RSF1: variants seen among roughly 807,000 people sequenced by gnomAD.
RSF1 encodes HBV pX-associated protein 8.
RSF1 carries 13 observed loss-of-function variants against 145.2 expected under a neutral mutation model. The observed-to-expected ratio is 0.09, with a 90% CI of 0.06 to 0.14. RSF1 has a LOEUF of 0.14. RSF1 is among the 10% of genes least tolerant of loss of function. The pLI is 1.00. For missense variants in RSF1, 1,517 were observed against 1,718.2 expected (o/e 0.88, Z 2.07); for synonymous variants, 577 against 592.6 (o/e 0.97, Z 0.38).
chr11:77,793,038 A>AG (rs770588765), intron 1 of RSF1, among the ~76,000 whole-genome samples: 42 of 152,236 alleles, frequency 2.8e-4, no homozygotes, highest in Non-Finnish European at 4.7e-4. Context: ...TCACAAAGAT[A>AG]AACAAGAAAA....
intron 1 of RSF1, among the ~76,000 whole-genome samples, chr11:77,805,331 G>A (rs2135982004): frequency 6.6e-6 from 1 of 152,018 alleles, no homozygotes; most frequent in Non-Finnish European, 1.5e-5. Flanking sequence ...AGCCAGGCGT[G>A]GTGGCATGCT....
At chr11:77,708,294 C>A (rs557608494) in intron 5 of RSF1, among the ~76,000 whole-genome samples, 2 of 152,234 alleles carry the variant, frequency 1.3e-5, no homozygotes, top group South Asian at 4.2e-4. Flanking sequence ...TGGTGCACAC[C>A]TGTAGTTCCC....
intron 5 of RSF1, among the ~76,000 whole-genome samples, chr11:77,724,902 G>C (rs752051941): frequency 6.6e-6 from 1 of 152,170 alleles, no homozygotes; most frequent in Non-Finnish European, 1.5e-5. Context: ...TTACAGACTG[G>C]TACTACTCCT....
Position 77,820,680 on chromosome 11 carries a change from G to A in RSF1, c.35C>T (p.Ala12Val). 1 of 1,553,708 alleles carries A rather than the reference G, an allele frequency of 6.4e-7. No individual in the cohort carries two copies. The highest frequency in any genetic ancestry group is 8.7e-7 in the Non-Finnish European group (1 of 1,150,014). Reference sequence around the variant, plus strand: ...GCACGAACCCGGGCAGCCCGGAGGAGCCATCACCGCCGCCGCTGCCGCCGC... The same window carrying A: ...GCACGAACCCGGGCAGCCCGGAGGAACCATCACCGCCGCCGCTGCCGCCGC... ...ATAAAAAAVM[A>V]PPGCPGSCPN... The change falls in exon 1 of 16, where the codon GCT becomes GTT. Residue 12 changes from alanine (A) to valine (V), a missense_variant. This residue lies in a region of RSF1 where 85 missense variants were observed against 91.8 expected (regional missense o/e 0.93). Coordinates refer to ENST00000308488, the MANE Select transcript of RSF1 (RefSeq NM_016578.4).
chr11:77,697,991 GTTACCTATTTATC>G (rs1960323791), intron 7 of RSF1, among the ~76,000 whole-genome samples: 1 of 152,132 alleles, frequency 6.6e-6, no homozygotes, highest in Admixed American at 6.6e-5. Flanking sequence ...TCATTATAAA[GTTACCTATTTATC>G]TTACCTATTT....
chr11:77,835,644 C>T, the RSF1 span, among the ~76,000 whole-genome samples: 1 of 152,286 alleles, frequency 6.6e-6, no homozygotes, highest in South Asian at 2.1e-4. Context: ...TGGGGCCAGG[C>T]GTGGTGGCTC....
At chr11:77,750,927 C>T (rs957040236) in intron 2 of RSF1, among the ~76,000 whole-genome samples, 1 of 152,108 alleles carries the variant, frequency 6.6e-6, no homozygotes, top group African/African-American at 2.4e-5. Flanking sequence ...CAACCATTCT[C>T]CTGACACAAC....
chr11:77,721,762 A>C (rs1335366873), intron 5 of RSF1, among the ~76,000 whole-genome samples: 1 of 152,208 alleles, frequency 6.6e-6, no homozygotes, highest in Non-Finnish European at 1.5e-5. Flanking sequence ...TTCTTTATTA[A>C]ACTATATGCC....
At chr11:77,796,102 C>CT (rs986533212) in intron 1 of RSF1, among the ~76,000 whole-genome samples, 2 of 151,732 alleles carry the variant, frequency 1.3e-5, no homozygotes, top group Non-Finnish European at 2.9e-5. Flanking sequence ...TCTCTCTTTT[C>CT]TTTTTTATTA....
rs372364085 is a variant in RSF1, at chr11:77,706,796, T to G, written c.734-4301A>C. Among the ~76,000 whole-genome samples the G allele has an allele frequency of 2.0e-5, 3 of 152,114 alleles. No homozygotes were observed. In the East Asian group the frequency reaches 5.8e-4, roughly 29 times the overall value. ...GCAATAATAAACATAGTATCTGATATGTAGTTTTTTGATCCTGACCCTCCT... is the reference window on the plus strand; with the variant it reads ...GCAATAATAAACATAGTATCTGATAGGTAGTTTTTTGATCCTGACCCTCCT... On this transcript the variant is annotated intron_variant, in intron 5 of 15. Transcript: ENST00000308488.
chr11:77,790,902 G>C (rs1355114354), intron 1 of RSF1, among the ~76,000 whole-genome samples: 2 of 152,180 alleles, frequency 1.3e-5, no homozygotes, highest in African/African-American at 4.8e-5. Context: ...TGCTTTCATG[G>C]GCTAGTGTTG....
At chr11:77,757,687 GA>G (rs889286346) in intron 2 of RSF1, among the ~76,000 whole-genome samples, 17 of 149,722 alleles carry the variant, frequency 1.1e-4, no homozygotes, top group South Asian at 6.4e-4. Flanking sequence ...AAAAAAAGAA[GA>G]AAAAAAAAGA....
chr11:77,698,048 T>C (rs1238619591), intron 7 of RSF1, among the ~76,000 whole-genome samples: 1 of 152,232 alleles, frequency 6.6e-6, no homozygotes, highest in African/African-American at 2.4e-5. Context: ...AGGGTCTTGC[T>C]ATGCTGCCCA....
intron 2 of RSF1, among the ~76,000 whole-genome samples, chr11:77,760,464 A>G (rs955492293): frequency 1.3e-5 from 2 of 152,224 alleles, no homozygotes; most frequent in Non-Finnish European, 2.9e-5. Context: ...CTGAGATGTT[A>G]GAAAAGTTCT....
chr11:77,772,995 G>A (rs747934100), intron 1 of RSF1, among the ~76,000 whole-genome samples: 7 of 152,032 alleles, frequency 4.6e-5, no homozygotes, highest in East Asian at 1.9e-4. Context: ...CACTTTCTGC[G>A]CAGCTTTGTA....
chr11:77,677,038 T>A, intron 12 of RSF1, 39 bp from the exon 13 acceptor site: 1 of 1,489,552 alleles, frequency 6.7e-7, no homozygotes, highest in Non-Finnish European at 9.3e-7. Context: ...GAGAAAAATA[T>A]GTGTTTATTA....
chr11:77,828,311 T>C, the RSF1 span, among the ~76,000 whole-genome samples: 1 of 151,552 alleles, frequency 6.6e-6, no homozygotes, highest in African/African-American at 2.4e-5. Flanking sequence ...AAAAATGATA[T>C]CAATAACTCC....
chr11:77,671,908 A>G, intron 15 of RSF1, 134 bp downstream of exon 15: 1 of 760,568 alleles, frequency 1.3e-6, no homozygotes, highest in Non-Finnish European at 2.0e-6. Context: ...TGCCGGGATT[A>G]CAGGCGTGAG....
chr11:77,788,869 T>G (rs967500801), intron 1 of RSF1, among the ~76,000 whole-genome samples: 2 of 152,128 alleles, frequency 1.3e-5, no homozygotes, highest in Non-Finnish European at 2.9e-5. Context: ...ACACTTTGAA[T>G]AGATCACCCA....
Sources: allele counts gnomAD v4.1 joint callset (sites outside exome capture counted in the v4.1 genomes callset), GRCh38; gene constraint gnomAD v4.1.1; regional missense constraint gnomAD v4.1.1; transcripts MANE v1.5; gene names NCBI Gene and HGNC (gene_info 2026-07-23, HGNC 2026-07-21).